TTLL5: variants seen among roughly 807,000 people sequenced by gnomAD.
TTLL5 encodes tubulin polyglutamylase TTLL5.
TTLL5 carries 132 observed loss-of-function variants against 168.4 expected under a neutral mutation model. The observed-to-expected ratio is 0.78, with a 90% CI of 0.68 to 0.91. The LOEUF is 0.91. TTLL5 is among the 40% of genes least tolerant of loss of function. The probability of loss-of-function intolerance (pLI) is 0.00; values close to 1 mark genes in which losing one functional copy is unlikely to be tolerated. For missense variants in TTLL5, 1,545 were observed against 1,581.5 expected (o/e 0.98, Z 0.39); for synonymous variants, 546 against 558.6 (o/e 0.98, Z 0.32).
chr14:75,927,460 A>G (rs1208648926), intron 31 of TTLL5, among the ~76,000 whole-genome samples: 1 of 152,248 alleles, frequency 6.6e-6, no homozygotes, highest in East Asian at 1.9e-4. Flanking sequence ...TAAATCTGAA[A>G]GAATCAATAG....
intron 29 of TTLL5, among the ~76,000 whole-genome samples, chr14:75,870,167 C>A (rs2030906868): frequency 6.6e-6 from 1 of 151,974 alleles, no homozygotes; most frequent in South Asian, 2.1e-4. Context: ...AAGTTATTAT[C>A]AGGTCTCTTC....
chr14:75,663,019 C>G (rs1246251599), intron 1 of TTLL5, 36 bp from the exon 2 acceptor site: 2 of 760,628 alleles, frequency 2.6e-6, no homozygotes, highest in Admixed American at 4.0e-5. Context: ...CATTGTGTTT[C>G]AGGTCAATTG....
chr14:75,923,088 T>C (rs2033886495), intron 31 of TTLL5, among the ~76,000 whole-genome samples: 1 of 152,174 alleles, frequency 6.6e-6, no homozygotes, highest in South Asian at 2.1e-4. Context: ...TCTATTTGAG[T>C]CTTCTCTGTT....
Position 75,730,391 on chromosome 14 carries a change from T to C in TTLL5, c.1043-1947T>C, listed in dbSNP as rs574847912. Among the ~76,000 whole-genome samples, 63 of 152,332 alleles carry C rather than the reference T, an allele frequency of 4.1e-4. 1 individual carries two copies. The highest frequency in any genetic ancestry group is 1.3e-3 in the Admixed American group (20 of 15,302). On this transcript the variant is annotated intron_variant, in intron 12 of 31. Coordinates refer to ENST00000298832, the MANE Select transcript of TTLL5 (RefSeq NM_015072.5). ...AGAGATGAAAGAGCTTCCTTTTCTT[T>C]ACGTTTTAATGTATAGGCAATGTAT...
chr14:75,910,609 T>G (rs962601939), intron 31 of TTLL5, among the ~76,000 whole-genome samples: 1 of 152,226 alleles, frequency 6.6e-6, no homozygotes, highest in Non-Finnish European at 1.5e-5. Context: ...GAAAATGACA[T>G]GCTAAGCCAC....
At chr14:75,926,934 T>G (rs1031048939) in intron 31 of TTLL5, among the ~76,000 whole-genome samples, 1 of 152,182 alleles carries the variant, frequency 6.6e-6, no homozygotes, top group Non-Finnish European at 1.5e-5. Flanking sequence ...GAAAATGAAG[T>G]GATAAACAAA....
chr14:75,851,719 T>G (rs1458813010), intron 28 of TTLL5, among the ~76,000 whole-genome samples: 2 of 152,194 alleles, frequency 1.3e-5, no homozygotes, highest in Non-Finnish European at 2.9e-5. Context: ...ACTCTCCTGC[T>G]CACACATCTG....
intron 31 of TTLL5, among the ~76,000 whole-genome samples, chr14:75,927,443 A>G (rs1566664308): frequency 6.6e-6 from 1 of 152,230 alleles, no homozygotes; most frequent in Non-Finnish European, 1.5e-5. Flanking sequence ...TGTGAAATAT[A>G]TCACAATAAA....
intron 5 of TTLL5, chr14:75,683,979 G>T: frequency 4.0e-6 from 1 of 251,396 alleles, no homozygotes; most frequent in Non-Finnish European, 7.9e-6. Context: ...TCGCCATGTA[G>T]GCCAGGCTGG....
intron 31 of TTLL5, among the ~76,000 whole-genome samples, chr14:75,926,059 A>ACCGTGGG (rs556290161): frequency 0.017 from 2,453 of 144,780 alleles, 100 homozygotes; most frequent in East Asian, 0.081. Flanking sequence ...GGAGAGGGAG[A>ACCGTGGG]CCGTGGGCCG....
At chr14:75,909,671 T>C (rs1054254645) in intron 31 of TTLL5, among the ~76,000 whole-genome samples, 1 of 152,242 alleles carries the variant, frequency 6.6e-6, no homozygotes, top group Admixed American at 6.5e-5. Flanking sequence ...TAACTTGCGA[T>C]ACAAGGAACC....
chr14:75,737,968 T>G (rs1321342367), intron 15 of TTLL5, among the ~76,000 whole-genome samples: 1 of 152,186 alleles, frequency 6.6e-6, no homozygotes, highest in Non-Finnish European at 1.5e-5. Context: ...AGACATCTTA[T>G]GAAACATACT....
intron 29 of TTLL5, among the ~76,000 whole-genome samples, chr14:75,866,333 A>G (rs1278701514): frequency 6.6e-6 from 1 of 152,144 alleles, no homozygotes; most frequent in Non-Finnish European, 1.5e-5. Context: ...TTAGATAGCA[A>G]TGGTACTTTT....
rs147415301 is a variant in TTLL5 at position 75,833,230 on chromosome 14, A to C, written c.3326+13069A>C. Among the ~76,000 whole-genome samples the C allele has an allele frequency of 2.8e-3, 422 of 151,994 alleles. 2 individuals carry two copies. Among genetic ancestry groups the C allele is most frequent in the Non-Finnish European group, 4.0e-3 (275 of 67,992 alleles). The stretch of plus-strand genomic sequence containing the variant: ...ATCCTGCATTTTCTTTCGTTCTCTG[A>C]GTTCTGACCTTTCATCCAGAAAGGC... On this transcript the variant is annotated intron_variant, in intron 28 of 31. Transcript: ENST00000298832.
intron 28 of TTLL5, among the ~76,000 whole-genome samples, chr14:75,822,894 C>T (rs1369460489): frequency 6.6e-6 from 1 of 152,154 alleles, no homozygotes; most frequent in Admixed American, 6.5e-5. Context: ...ACGACTTGCC[C>T]AGACAGTCTG....
At chr14:75,828,549 C>G (rs566635226) in intron 28 of TTLL5, among the ~76,000 whole-genome samples, 1 of 152,244 alleles carries the variant, frequency 6.6e-6, no homozygotes, top group African/African-American at 2.4e-5. Flanking sequence ...CAACAATAGG[C>G]TATTAGTAGT....
intron 27 of TTLL5, among the ~76,000 whole-genome samples, chr14:75,809,056 TATGA>T (rs1893825206): frequency 6.6e-6 from 1 of 152,218 alleles, no homozygotes; most frequent in African/African-American, 2.4e-5. Context: ...TTGAGGATAA[TATGA>T]ATGCACATTT....
At chr14:75,920,656 A>G (rs1370676092) in intron 31 of TTLL5, among the ~76,000 whole-genome samples, 1 of 152,202 alleles carries the variant, frequency 6.6e-6, no homozygotes, top group African/African-American at 2.4e-5. Flanking sequence ...TCACTGATGG[A>G]CATTTGGGTT....
chr14:75,756,536 C>T (rs1478956104), intron 18 of TTLL5, among the ~76,000 whole-genome samples: 4 of 149,322 alleles, frequency 2.7e-5, no homozygotes, highest in African/African-American at 9.9e-5. Context: ...GAGACAGTGT[C>T]TCACTCTGTT....
Sources: allele counts gnomAD v4.1 joint callset (sites outside exome capture counted in the v4.1 genomes callset), GRCh38; gene constraint gnomAD v4.1.1; transcripts MANE v1.5; gene names NCBI Gene and HGNC (gene_info 2026-07-23, HGNC 2026-07-21).